The following PLA2G4F variants were observed in gnomAD, a reference collection of about 807,000 sequenced individuals.
PLA2G4F encodes the protein cytosolic phospholipase A2 zeta.
A neutral mutation model predicts 103.1 loss-of-function variants in PLA2G4F; 105 were observed. The ratio of observed to expected loss-of-function variants is 1.02; its 90% CI spans 0.87 to 1.20. The LOEUF (loss-of-function observed/expected upper bound fraction) is 1.20. Ranked by LOEUF, PLA2G4F falls within the 50% of genes most tolerant of loss-of-function variation. The pLI is 0.00. For synonymous variants in PLA2G4F, 468 were observed against 441.1 expected (o/e 1.06, Z -0.76); for missense variants, 1,155 against 1,075.9 (o/e 1.07, Z -1.03).
rs2048821187 is a variant in PLA2G4F, at chr15:42,140,685, T to A, written c.*1299A>T. Reference sequence around the variant, plus strand: ...CCTTCCCCAACCTGGAAACCAGAACTAGTCTTCTTTCCAGACTCAGGACAG... The same window carrying A: ...CCTTCCCCAACCTGGAAACCAGAACAAGTCTTCTTTCCAGACTCAGGACAG... On this transcript the variant is annotated 3_prime_UTR_variant, in exon 20 of 20. Coordinates refer to ENST00000397272, the MANE Select transcript of PLA2G4F (RefSeq NM_213600.4). The A allele has an allele frequency of 1.3e-5, 2 of 153,054 alleles. No individual in the cohort carries two copies. Among genetic ancestry groups the A allele is most frequent in the South Asian group, 4.1e-4 (2 of 4,848 alleles). The allele number at this position is 153,054 out of a possible 1,614,324, so 9.5% of individuals were successfully genotyped here.
rs1015386913 is a variant in PLA2G4F, at chr15:42,141,913, C to G, written c.*71G>C. Reference sequence around the variant, plus strand: ...GATCCTGCACAGAGTCCCCATCGCTCCTCCCTCTACAAGCCCTGACCATGA... The same window carrying G: ...GATCCTGCACAGAGTCCCCATCGCTGCTCCCTCTACAAGCCCTGACCATGA... On this transcript the variant is annotated 3_prime_UTR_variant, in exon 20 of 20. Transcript: ENST00000397272. 18 of 1,453,940 alleles carry G rather than the reference C, an allele frequency of 1.2e-5. No homozygotes were observed. Among genetic ancestry groups the G allele is most frequent in the Admixed American group, 1.8e-5 (1 of 55,888 alleles). The allele number at this position is 1,453,940 out of a possible 1,614,324, so 90.1% of individuals were successfully genotyped here.
chr15:42,150,251 A>G (rs891791259), intron 9 of PLA2G4F, 110 bp from the exon 10 acceptor site: 12 of 1,554,122 alleles, frequency 7.7e-6, no homozygotes, highest in African/African-American at 1.4e-5. Context: ...CCCGATGTGG[A>G]CATCATAACT....
chr15:42,145,833 G>A lies in PLA2G4F; in HGVS notation c.1605C>T (p.Phe535=), dbSNP rs201800403. Residue 535 remains phenylalanine (F), a synonymous_variant, in exon 15 of 20, where the codon TTC becomes TTT. Coordinates refer to ENST00000397272, the MANE Select transcript of PLA2G4F (RefSeq NM_213600.4). Reference sequence around the variant, plus strand: ...ATCGTCCCATGAAGAGTTCTGAGCCGAAGAGCTCGGTGGGAACATAAGCCC... The same window carrying A: ...ATCGTCCCATGAAGAGTTCTGAGCCAAAGAGCTCGGTGGGAACATAAGCCC... ...KYGAYVPTEL[F]GSELFMGRLL... is the part of the protein sequence containing the mutation. The A allele has an allele frequency of 4.0e-5, 64 of 1,614,138 alleles. No individual in the cohort carries two copies. Among genetic ancestry groups the A allele is most frequent in the Admixed American group, 2.2e-4 (13 of 60,016 alleles).
Position 42,146,184 on chromosome 15 carries a change from A to G in PLA2G4F, c.1477T>C (p.Tyr493His), listed in dbSNP as rs750024198. 7 of 1,614,118 alleles carry G rather than the reference A, an allele frequency of 4.3e-6. No homozygotes were observed. The Admixed American group carries it at 1.2e-4, about 27-fold the overall frequency. ...QEAVRQGQNP[Y>H]PIYTSVNVRT... Reference sequence around the variant, plus strand: ...ACGTTGACACTGGTGTAAATGGGGTAAGGGTTCTGACCCTGGCGGACCGCC... The same window carrying G: ...ACGTTGACACTGGTGTAAATGGGGTGAGGGTTCTGACCCTGGCGGACCGCC... Residue 493 changes from tyrosine to histidine, a missense_variant, in exon 14 of 20, where the codon TAC becomes CAC. Physicochemically the swap from Tyr to His is moderately conservative, Grantham distance 83. Around this residue, in one of 3 missense-constraint regions of PLA2G4F, gnomAD observed 782 missense variants for 692.9 expected, o/e 1.13. Coordinates refer to ENST00000397272, the MANE Select transcript of PLA2G4F (RefSeq NM_213600.4).
At chr15:42,149,138 T>C (rs943013264) in intron 11 of PLA2G4F, 2 of 985,272 alleles carry the variant, frequency 2.0e-6, no homozygotes, top group Non-Finnish European at 2.4e-6. Context: ...CACATCCCTT[T>C]GATCACATTA....
intron 2 of PLA2G4F, 95 bp from the exon 3 acceptor site, chr15:42,154,553 G>C: frequency 5.0e-6 from 7 of 1,398,618 alleles, no homozygotes; most frequent in Non-Finnish European, 6.6e-6. Flanking sequence ...GGAGCAGAGT[G>C]GGGAGGGGAA....
At position 42,148,969 on chromosome 15, in the gene PLA2G4F, C is replaced by G. The variant is rs1198337298; in HGVS notation, c.1059+744G>C. 7.1e-6 allele frequency: 7 copies of G among 985,292 alleles called. No individual in the cohort carries two copies. The East Asian group carries it at 7.9e-4, about 112-fold the overall frequency. The allele number at this position is 985,292 out of a possible 1,614,324, so 61.0% of individuals were successfully genotyped here. A position where few individuals can be genotyped will look rare whatever the true frequency, so the allele number is the denominator to read the frequency against. On this transcript the variant is annotated intron_variant, in intron 11 of 19. Transcript: ENST00000397272. ...ATCTAGCCTTGTCAGCGCTGGGCCA[C>G]AGTGATAGCGTCTCCTGAGGACTCA...
intron 2 of PLA2G4F, among the ~76,000 whole-genome samples, chr15:42,155,306 A>G (rs181898633): frequency 2.5e-4 from 38 of 151,982 alleles, no homozygotes; most frequent in African/African-American, 9.2e-4. Flanking sequence ...GCACTCACAC[A>G]CACGTATACA....
Position 42,147,679 on chromosome 15 carries a change from C to A in PLA2G4F, c.1143G>T (p.Glu381Asp). 6.2e-7 allele frequency: 1 copy of A among 1,614,160 alleles called. No homozygotes were observed. The highest frequency in any genetic ancestry group is 8.5e-7 in the Non-Finnish European group (1 of 1,180,026). Residue 381 changes from glutamate (E) to aspartate (D), a missense_variant, in exon 12 of 20, where the codon GAG (glutamate) becomes GAT (aspartate). By Grantham distance (45) the Glu-to-Asp change is conservative. Transcript: ENST00000397272. ...SLYGSLAGLQELGLLDTVTYL... is the reference protein window; with the variant it reads ...SLYGSLAGLQDLGLLDTVTYL... The stretch of plus-strand genomic sequence containing the variant: ...AGGTCACAGTGTCTAGAAGGCCGAG[C>A]TCCTGCAACCCTGCCAGGCTGCCGT...
intron 12 of PLA2G4F, 72 bp from the exon 13 acceptor site, chr15:42,147,418 T>G: frequency 6.8e-7 from 1 of 1,475,268 alleles, no homozygotes; most frequent in Admixed American, 1.7e-5. Context: ...GCAGAGTCTG[T>G]GAGTGGCCCT....
In PLA2G4F at chr15:42,144,436, A is replaced by C. The variant is rs758110900; in HGVS notation, c.1975+14T>G. The C allele has an allele frequency of 2.7e-5, 43 of 1,611,488 alleles. No individual in the cohort carries two copies. Among genetic ancestry groups the C allele is most frequent in the Non-Finnish European group, 3.2e-5 (38 of 1,179,690 alleles). ...AAGGGAAGCCCCCCATCTCCCACCC[A>C]AGGCAGCACCCACCTTTCCAGGCCA... On this transcript the variant is annotated intron_variant, in intron 17 of 19. Transcript: ENST00000397272.
chr15:42,151,807 C>G, intron 7 of PLA2G4F: 1 of 303,432 alleles, frequency 3.3e-6, no homozygotes, highest in Non-Finnish European at 4.8e-6. Flanking sequence ...GACCCTGGCT[C>G]TACTACTTAC....
rs757826870 is a variant in PLA2G4F at position 42,142,563 on chromosome 15, A to G, written c.2294T>C (p.Leu765Pro). 1.2e-6 allele frequency: 2 copies of G among 1,613,900 alleles called. No homozygotes were observed. Among genetic ancestry groups the G allele is most frequent in the African/African-American group, 1.3e-5 (1 of 75,006 alleles). Reference protein sequence around the residue: ...PRSPIVLHFPLVNRTFRTHLA... With the variant: ...PRSPIVLHFPPVNRTFRTHLA... ...GTGTGTGCGGAAGGTACGGTTAACC[A>G]GGGGGAAGTGCAGCACAATGGGGGA... is the stretch of plus-strand genomic sequence containing the variant. Residue 765 changes from leucine (L) to proline (P), a missense_variant, in exon 19 of 20, where the codon CTG (leucine) becomes CCG (proline). Leu to Pro is a moderately conservative substitution (Grantham distance 98). Around this residue, in one of 3 missense-constraint regions of PLA2G4F, gnomAD observed 782 missense variants for 692.9 expected, o/e 1.13. Coordinates refer to ENST00000397272, the MANE Select transcript of PLA2G4F (RefSeq NM_213600.4).
intron 19 of PLA2G4F, 136 bp downstream of exon 19, chr15:42,142,392 G>C: frequency 8.2e-7 from 1 of 1,224,990 alleles, no homozygotes; most frequent in Non-Finnish European, 1.1e-6. Context: ...CCAGGGAGCA[G>C]AGGGCCACAG....
Position 42,154,084 on chromosome 15 carries a change from G to T in PLA2G4F, c.450+8C>A. On this transcript the variant is annotated splice_region_variant and intron_variant, in intron 4 of 19. Transcript: ENST00000397272. Reference sequence around the variant, plus strand: ...AGCTGGGCTCTCCGCCAGCACTGGTGGGCTCACCTGGTGGTTGAGTGGGAA... The same window carrying T: ...AGCTGGGCTCTCCGCCAGCACTGGTTGGCTCACCTGGTGGTTGAGTGGGAA... The T allele has an allele frequency of 6.2e-7, 1 of 1,614,124 alleles. No homozygotes were observed. Among genetic ancestry groups the T allele is most frequent in the South Asian group, 1.1e-5 (1 of 91,058 alleles).
At chr15:42,144,712 G>C in intron 16 of PLA2G4F, 68 bp from the exon 17 acceptor site, 1 of 1,417,786 alleles carries the variant, frequency 7.1e-7, no homozygotes, top group Non-Finnish European at 9.3e-7. Context: ...GGTCCTTATA[G>C]TTCAGGGGTG....
chr15:42,150,902 T>C lies in PLA2G4F; in HGVS notation c.602-125A>G, dbSNP rs984775851. On this transcript the variant is annotated intron_variant, in intron 7 of 19. Coordinates refer to ENST00000397272, the MANE Select transcript of PLA2G4F (RefSeq NM_213600.4). ...TTCCCCTAGGAAATGCCAGCTCTTA[T>C]CGCCCGCTCTCTCTTGAGCACTGCT... The C allele has an allele frequency of 2.7e-6, 4 of 1,473,558 alleles. No individual in the cohort carries two copies. The Middle Eastern group carries it at 7.4e-4, about 274-fold the overall frequency. 91.3% of individuals were successfully genotyped at this position (1,473,558 alleles called of 1,614,324 possible). A position where few individuals can be genotyped will look rare whatever the true frequency, so the allele number is the denominator to read the frequency against.
chr15:42,153,165 G>A (rs1164745329), intron 6 of PLA2G4F, 135 bp downstream of exon 6: 3 of 1,040,734 alleles, frequency 2.9e-6, no homozygotes, highest in Non-Finnish European at 2.8e-6. Context: ...CCCTCTGGAG[G>A]TGCCTCCCTA....
At chr15:42,153,156 C>A (rs1404682701) in intron 6 of PLA2G4F, 144 bp downstream of exon 6, 2 of 968,946 alleles carry the variant, frequency 2.1e-6, no homozygotes, top group East Asian at 5.0e-5. Flanking sequence ...TTGTCCTTTC[C>A]CTCTGGAGGT....
Sources: gnomAD v4.1 joint callset for allele counts (sites outside exome capture counted in the v4.1 genomes callset) on GRCh38, gnomAD v4.1.1 for gene constraint, gnomAD v4.1.1 regional missense constraint, MANE v1.5 for transcripts, NCBI Gene and HGNC (gene_info 2026-07-23, HGNC 2026-07-21) for gene names.